Variants in KCNJ15 observed in about 807,000 individuals in gnomAD.
KCNJ15 encodes the protein ATP-sensitive inward rectifier potassium channel 15.
In KCNJ15, 14 loss-of-function variants were observed where a neutral mutation model predicts 23.0. The ratio of observed to expected loss-of-function variants is 0.61; its 90% CI spans 0.40 to 0.95. KCNJ15 has a LOEUF of 0.95. Among genes scored for constraint, KCNJ15 ranks in the 40% least tolerant of loss-of-function variants. The probability of loss-of-function intolerance (pLI) is 0.00; values close to 1 mark genes in which losing one functional copy is unlikely to be tolerated. For missense variants in KCNJ15, 388 were observed against 461.8 expected (o/e 0.84, Z 1.46); for synonymous variants, 185 against 183.2 (o/e 1.01, Z -0.08).
intron 1 of KCNJ15, among the ~76,000 whole-genome samples, chr21:38,261,678 T>A (rs1183608118): frequency 2.0e-5 from 3 of 152,226 alleles, no homozygotes; most frequent in Admixed American, 2.0e-4. Context: ...AAGGGTAAGA[T>A]GCTATCAAAG....
rs1293565498 is a variant in KCNJ15 at position 38,304,310 on chromosome 21, CTCATTGT to C, written c.*3925_*3931del. 2 of 134,038 alleles carry C rather than the reference CTCATTGT, an allele frequency of 1.5e-5. No individual in the cohort carries two copies. Among genetic ancestry groups the C allele is most frequent in the Non-Finnish European group, 3.1e-5 (2 of 65,028 alleles). 8.3% of individuals were successfully genotyped at this position (134,038 alleles called of 1,614,324 possible). ...GTTCCCCTTCCTGTGTCCATGTGTT[CTCATTGT>C]TCAATTTCCACCTATGAGTGAGAAC... On this transcript the variant is annotated 3_prime_UTR_variant, in exon 3 of 3. Transcript: ENST00000398938.
chr21:38,255,817 T>G (rs1373567793), upstream of KCNJ15, among the ~76,000 whole-genome samples: 1 of 152,082 alleles, frequency 6.6e-6, no homozygotes, highest in Non-Finnish European at 1.5e-5. Flanking sequence ...GGAGAGGAAG[T>G]ATCATTCATT....
intron 1 of KCNJ15, chr21:38,238,208 C>A (rs1978747267): frequency 4.0e-6 from 2 of 504,982 alleles, no homozygotes; most frequent in Admixed American, 4.8e-5. Context: ...TCTGCCCCAG[C>A]CCAAGAGGGT....
At chr21:38,285,744 G>C (rs1601224615) in intron 1 of KCNJ15, 1 of 152,434 alleles carries the variant, frequency 6.6e-6, no homozygotes, top group East Asian at 1.9e-4. Context: ...GAGGGAGCGA[G>C]AGCCAGGGCT....
At chr21:38,244,556 G>T (rs1979236609) in intron 1 of KCNJ15, among the ~76,000 whole-genome samples, 1 of 152,178 alleles carries the variant, frequency 6.6e-6, no homozygotes, top group Non-Finnish European at 1.5e-5. Flanking sequence ...TCTGGAGTGG[G>T]TTTATCTCTG....
rs1219055693 is a variant in KCNJ15 at position 38,268,569 on chromosome 21, A to AG, written c.-117+11384_-117+11385insG. Among the ~76,000 whole-genome samples the AG allele has an allele frequency of 9.3e-3, 1,266 of 136,066 alleles. 16 individuals are homozygous for AG. Among genetic ancestry groups the AG allele is most frequent in the Non-Finnish European group, 0.013 (848 of 65,104 alleles). 89.3% of individuals were successfully genotyped at this position (136,066 alleles called of 152,430 possible). ...AAATCTGAAAAAAAAAAAAAAAAAAAAAAAAAAAGAAAGTGGGAGGAGAGT... is the reference window on the plus strand; with the variant it reads ...AAATCTGAAAAAAAAAAAAAAAAAAAGAAAAAAAAGAAAGTGGGAGGAGAGT... On this transcript the variant is annotated intron_variant, in intron 1 of 2. Coordinates refer to ENST00000398938, the MANE Select transcript of KCNJ15 (RefSeq NM_170736.3).
chr21:38,283,812 T>C (rs1983603768), intron 1 of KCNJ15, among the ~76,000 whole-genome samples: 1 of 148,006 alleles, frequency 6.8e-6, no homozygotes, highest in Admixed American at 6.8e-5. Flanking sequence ...AATGTTCACA[T>C]GTCTTTTAAA....
intron 1 of KCNJ15, among the ~76,000 whole-genome samples, chr21:38,290,588 CT>C (rs2123705621): frequency 6.6e-6 from 1 of 152,214 alleles, no homozygotes; most frequent in South Asian, 2.1e-4. Flanking sequence ...TACCGAATTG[CT>C]TGGGGAAATT....
intron 1 of KCNJ15, among the ~76,000 whole-genome samples, chr21:38,247,400 G>A (rs748790562): frequency 1.9e-4 from 28 of 150,584 alleles, no homozygotes; most frequent in Non-Finnish European, 3.7e-4. Context: ...ATGGATAAAC[G>A]GATGGATAGA....
At chr21:38,255,461 G>A (rs950688066), upstream of KCNJ15, among the ~76,000 whole-genome samples, 7 of 152,134 alleles carry the variant, frequency 4.6e-5, no homozygotes, top group East Asian at 3.9e-4. Context: ...TCCAAATCTC[G>A]TGTAGCTTCT....
chr21:38,249,707 T>C (rs142519819), intron 1 of KCNJ15, among the ~76,000 whole-genome samples: 1 of 152,222 alleles, frequency 6.6e-6, no homozygotes, highest in African/African-American at 2.4e-5. Flanking sequence ...ATTCTCTAGC[T>C]TTTATTCTTC....
intron 1 of KCNJ15, among the ~76,000 whole-genome samples, chr21:38,257,456 C>T (rs1221232613): frequency 1.3e-5 from 2 of 152,032 alleles, no homozygotes. Flanking sequence ...GGTGGGTGTA[C>T]GGGGGTCTAG....
intron 1 of KCNJ15, among the ~76,000 whole-genome samples, chr21:38,259,020 T>C (rs959383244): frequency 2.0e-5 from 3 of 152,046 alleles, no homozygotes; most frequent in Non-Finnish European, 2.9e-5. Context: ...TGTGTGTGTG[T>C]GTGCGCGTGT....
chr21:38,288,030 G>GTTTTTTTTTTTTTTTT lies in KCNJ15; in HGVS notation c.-116-8883_-116-8868dup, dbSNP rs71184612. ...TGTTAAATAACTTGTTTTTTTCTTT[G>GTTTTTTTTTTTTTTTT]TTTTTTTTTTTTTTTTTTTTTTTTT... On this transcript the variant is annotated intron_variant, in intron 1 of 2. Transcript: ENST00000398938. 2.3e-4 allele frequency among the ~76,000 whole-genome samples: 19 copies of GTTTTTTTTTTTTTTTT among 81,450 alleles called. 1 individual carries two copies. The highest frequency in any genetic ancestry group is 4.1e-4 in the Admixed American group (2 of 4,858). 53.4% of individuals were successfully genotyped at this position (81,450 alleles called of 152,430 possible).
chr21:38,262,452 T>C (rs749981238), intron 1 of KCNJ15, among the ~76,000 whole-genome samples: 5 of 152,182 alleles, frequency 3.3e-5, no homozygotes, highest in African/African-American at 4.8e-5. Context: ...TGTGGGTGTG[T>C]ATTTAGCTAG....
upstream of KCNJ15, among the ~76,000 whole-genome samples, chr21:38,256,012 G>A (rs1980196075): frequency 6.6e-6 from 1 of 152,110 alleles, no homozygotes; most frequent in Non-Finnish European, 1.5e-5. Flanking sequence ...TCTAGGGGAA[G>A]TGCTTTTGAA....
chr21:38,255,169 A>G (rs1038375582), upstream of KCNJ15, among the ~76,000 whole-genome samples: 1 of 152,184 alleles, frequency 6.6e-6, no homozygotes, highest in Admixed American at 6.5e-5. Flanking sequence ...TCAGGACCAG[A>G]TCAGATAAGG....
At chr21:38,247,637 G>A (rs1979537383) in intron 1 of KCNJ15, among the ~76,000 whole-genome samples, 1 of 152,192 alleles carries the variant, frequency 6.6e-6, no homozygotes, top group Admixed American at 6.5e-5. Context: ...TGGATTGATT[G>A]AATAAAATGC....
At chr21:38,238,287 A>T in intron 1 of KCNJ15, 1 of 707,102 alleles carries the variant, frequency 1.4e-6, no homozygotes, top group Admixed American at 1.8e-5. Context: ...AGCAGGCTTG[A>T]TTCTCACACA....
Sources: gnomAD v4.1 joint callset for allele counts (sites outside exome capture counted in the v4.1 genomes callset) on GRCh38, gnomAD v4.1.1 for gene constraint, MANE v1.5 for transcripts, NCBI Gene and HGNC (gene_info 2026-07-23, HGNC 2026-07-21) for gene names.